Variants in PTPRT observed in about 807,000 individuals in gnomAD.
PTPRT encodes the protein receptor-type tyrosine-protein phosphatase T.
A neutral mutation model predicts 176.8 loss-of-function variants in PTPRT; 56 were observed. The ratio of observed to expected loss-of-function variants is 0.32; its 90% CI spans 0.26 to 0.40. The LOEUF (loss-of-function observed/expected upper bound fraction) is 0.40. PTPRT is among the 10% of genes least tolerant of loss of function. The pLI is 1.00. For synonymous variants in PTPRT, 783 were observed against 739.0 expected, an observed-to-expected ratio of 1.06 and a Z score of -0.96; for missense variants, 1,540 against 1,908.2, an observed-to-expected ratio of 0.81 and a Z score of 3.60.
intron 15 of PTPRT, among the ~76,000 whole-genome samples, chr20:42,229,021 C>A (rs562491801): frequency 6.6e-6 from 1 of 152,240 alleles, no homozygotes; most frequent in South Asian, 2.1e-4. Flanking sequence ...AATGACACTC[C>A]CTTTATAAAG....
At chr20:43,089,026 G>C (rs772539046) in intron 1 of PTPRT, among the ~76,000 whole-genome samples, 2 of 152,058 alleles carry the variant, frequency 1.3e-5, no homozygotes, top group African/African-American at 2.4e-5. Flanking sequence ...CCTGCTGCGA[G>C]GATAAAATAA....
chr20:42,488,690 C>T (rs752657709), intron 7 of PTPRT, among the ~76,000 whole-genome samples: 2 of 148,606 alleles, frequency 1.3e-5, no homozygotes, highest in Non-Finnish European at 1.5e-5. Flanking sequence ...AAGTGCCAGG[C>T]GCAGTGGCTC....
chr20:42,240,792 G>A (rs757360685), intron 14 of PTPRT, among the ~76,000 whole-genome samples: 2 of 151,926 alleles, frequency 1.3e-5, no homozygotes, highest in African/African-American at 2.4e-5. Context: ...ACTTCTCAAA[G>A]GCCTACTATA....
At chr20:42,140,201 T>C (rs1232647316) in intron 18 of PTPRT, among the ~76,000 whole-genome samples, 1 of 151,970 alleles carries the variant, frequency 6.6e-6, no homozygotes, top group Non-Finnish European at 1.5e-5. Context: ...TGAATTGTGC[T>C]AGAAATAATT....
intron 7 of PTPRT, among the ~76,000 whole-genome samples, chr20:42,555,252 T>C (rs554324059): frequency 1.3e-5 from 2 of 152,334 alleles, no homozygotes; most frequent in South Asian, 4.1e-4. Context: ...TATCTTCATG[T>C]AAAAGATTGT....
intron 12 of PTPRT, among the ~76,000 whole-genome samples, chr20:42,303,232 T>A (rs929114389): frequency 1.3e-5 from 2 of 152,230 alleles, no homozygotes; most frequent in African/African-American, 4.8e-5. Flanking sequence ...GTTTGTAAAG[T>A]CTTTGAAATT....
rs148413135 is a variant in PTPRT, at chr20:43,013,201, G to C, written c.89-127269C>G. 4.2e-3 allele frequency among the ~76,000 whole-genome samples: 629 copies of C among 151,486 alleles called. 3 individuals carry two copies. Among genetic ancestry groups the C allele is most frequent in the African/African-American group, 0.015 (604 of 41,260 alleles). ...CTAATAACTCATTTTTATTCTTTTG[G>C]AAGTGAGTTCATCTCCTCTGAACAT... On this transcript the variant is annotated intron_variant, in intron 1 of 30. Coordinates refer to ENST00000373187, the MANE Select transcript of PTPRT (RefSeq NM_007050.6).
chr20:42,338,826 GT>G (rs1014927537), intron 11 of PTPRT, among the ~76,000 whole-genome samples: 2 of 152,174 alleles, frequency 1.3e-5, no homozygotes, highest in African/African-American at 4.8e-5. Flanking sequence ...CACACTGAAA[GT>G]TTTTGTGCTT....
chr20:42,925,056 C>T (rs1303610777), intron 1 of PTPRT, among the ~76,000 whole-genome samples: 2 of 152,148 alleles, frequency 1.3e-5, no homozygotes, highest in Non-Finnish European at 2.9e-5. Flanking sequence ...TAAATGAAAA[C>T]CTTAAAGCCA....
At chr20:42,572,575 T>A (rs1343711913) in intron 7 of PTPRT, among the ~76,000 whole-genome samples, 6 of 152,222 alleles carry the variant, frequency 3.9e-5, no homozygotes, top group Admixed American at 3.9e-4. Flanking sequence ...CCATATAAAA[T>A]GCACCTTTCT....
chr20:43,184,316 T>C (rs1336380755), intron 1 of PTPRT, among the ~76,000 whole-genome samples: 1 of 152,162 alleles, frequency 6.6e-6, no homozygotes, highest in Non-Finnish European at 1.5e-5. Context: ...GTGCATCTGA[T>C]GGGGTTTCTG....
chr20:42,462,463 T>C (rs1209424597), intron 8 of PTPRT, among the ~76,000 whole-genome samples: 1 of 151,978 alleles, frequency 6.6e-6, no homozygotes, highest in Non-Finnish European at 1.5e-5. Flanking sequence ...GCTGAGGTGT[T>C]GGGGGATTAT....
At chr20:42,298,782 A>G (rs545195438) in intron 12 of PTPRT, among the ~76,000 whole-genome samples, 7 of 152,160 alleles carry the variant, frequency 4.6e-5, no homozygotes, top group African/African-American at 1.7e-4. Context: ...TTAGCTGGGC[A>G]TGGTGGTGGG....
chr20:42,095,210 T>A (rs1308544675), intron 27 of PTPRT, among the ~76,000 whole-genome samples: 1 of 152,204 alleles, frequency 6.6e-6, no homozygotes. Flanking sequence ...GCACCAACAA[T>A]CTATTCTCAA....
chr20:42,491,606 T>TG, intron 7 of PTPRT, among the ~76,000 whole-genome samples: 1 of 152,126 alleles, frequency 6.6e-6, no homozygotes. Context: ...GTCTGCCATG[T>TG]AAGGACACAG....
At chr20:42,163,249 A>G (rs534902671) in intron 16 of PTPRT, among the ~76,000 whole-genome samples, 1 of 152,270 alleles carries the variant, frequency 6.6e-6, no homozygotes, top group East Asian at 1.9e-4. Context: ...TTCCTAATTC[A>G]GGGTGGTAGG....
chr20:42,631,335 A>G (rs1202775890), intron 7 of PTPRT, among the ~76,000 whole-genome samples: 1 of 152,198 alleles, frequency 6.6e-6, no homozygotes, highest in Non-Finnish European at 1.5e-5. Flanking sequence ...TTAGTTAAAA[A>G]TGTTCCTGAA....
intron 2 of PTPRT, among the ~76,000 whole-genome samples, chr20:42,807,448 T>G (rs2077627481): frequency 6.6e-6 from 1 of 152,168 alleles, no homozygotes; most frequent in African/African-American, 2.4e-5. Context: ...ATTTCCACCA[T>G]GGACTCTGTG....
At chr20:42,577,013 G>A (rs1164055714) in intron 7 of PTPRT, among the ~76,000 whole-genome samples, 1 of 151,976 alleles carries the variant, frequency 6.6e-6, no homozygotes, top group Non-Finnish European at 1.5e-5. Flanking sequence ...GTAAAATGAG[G>A]GAGAGTAAAA....
Sources: gnomAD v4.1 joint callset for allele counts (sites outside exome capture counted in the v4.1 genomes callset) on GRCh38, gnomAD v4.1.1 for gene constraint, MANE v1.5 for transcripts, NCBI Gene and HGNC (gene_info 2026-07-23, HGNC 2026-07-21) for gene names.